The following MYO16 variants were observed in gnomAD, a reference collection of about 807,000 sequenced individuals.
The protein encoded by MYO16 is myosin XVI, also known as unconventional myosin-XVI.
A neutral mutation model predicts 205.3 loss-of-function variants in MYO16; 94 were observed. That is an observed-to-expected ratio of 0.46 (90% CI 0.39 to 0.54). The LOEUF is 0.54. Ranked by LOEUF, MYO16 falls within the 20% of genes least tolerant of loss-of-function variation. The pLI, the probability that MYO16 is intolerant of heterozygous loss-of-function variation, is 0.00. For missense variants in MYO16, 2,315 were observed against 2,387.5 expected (o/e 0.97, Z 0.63); for synonymous variants, 988 against 954.0 (o/e 1.04, Z -0.66).
At chr13:109,115,139 A>G (rs1344956301) in intron 28 of MYO16, among the ~76,000 whole-genome samples, 1 of 149,524 alleles carries the variant, frequency 6.7e-6, no homozygotes, top group Non-Finnish European at 1.5e-5. Context: ...GAAGTGCTCT[A>G]CAGGTTCCCT....
intron 1 of MYO16, among the ~76,000 whole-genome samples, chr13:108,619,085 A>G (rs1879450177): frequency 6.6e-6 from 1 of 152,128 alleles, no homozygotes; most frequent in African/African-American, 2.4e-5. Flanking sequence ...GACACTCTCA[A>G]AATATCCCCC....
chr13:108,640,149 C>T (rs1880438654), intron 1 of MYO16, among the ~76,000 whole-genome samples: 2 of 152,110 alleles, frequency 1.3e-5, no homozygotes, highest in African/African-American at 4.8e-5. Flanking sequence ...ACAGATGGCT[C>T]AGGTCAGAAA....
chr13:108,519,595 T>C, the MYO16 span, among the ~76,000 whole-genome samples: 1 of 150,230 alleles, frequency 6.7e-6, no homozygotes, highest in Non-Finnish European at 1.5e-5. Context: ...AAACACAAGA[T>C]TTGCTTGGCC....
chr13:108,597,633 A>C lies in MYO16; in HGVS notation c.-39+1394A>C, dbSNP rs564513351. Among the ~76,000 whole-genome samples, 5 of 152,244 alleles carry C rather than the reference A, an allele frequency of 3.3e-5. No homozygotes were observed. In the South Asian group the frequency reaches 1.0e-3, roughly 32 times the overall value. ...ACAGTATTTCTCAACTCATTTTATA[A>C]AATGCAATTGGTAGTTCTCCTGCCC... On this transcript the variant is annotated intron_variant, in intron 1 of 24. Coordinates refer to the MYO16 transcript ENST00000251041.
At chr13:108,549,886 G>A in the MYO16 span, among the ~76,000 whole-genome samples, 2 of 152,252 alleles carry the variant, frequency 1.3e-5, no homozygotes, top group African/African-American at 4.8e-5. Context: ...ATGCAAAGCA[G>A]AAGGAGTCAT....
intron 21 of MYO16, among the ~76,000 whole-genome samples, chr13:109,003,131 A>G (rs899468744): frequency 3.3e-5 from 5 of 152,330 alleles, no homozygotes; most frequent in Non-Finnish European, 5.9e-5. Context: ...ACTTTAAACT[A>G]CATATGTTTC....
intron 15 of MYO16, 129 bp from the exon 16 acceptor site, chr13:108,909,874 A>G: frequency 2.0e-6 from 2 of 990,632 alleles, no homozygotes; most frequent in Non-Finnish European, 2.9e-6. Context: ...AATAAAATAA[A>G]ATGTAAATAG....
At chr13:108,595,620 C>T (rs1004369513), upstream of MYO16, among the ~76,000 whole-genome samples, 1 of 152,082 alleles carries the variant, frequency 6.6e-6, no homozygotes, top group Non-Finnish European at 1.5e-5. Context: ...ACAGTCAGCC[C>T]CCTCTCCACC....
the MYO16 span, among the ~76,000 whole-genome samples, chr13:108,549,261 A>T: frequency 6.6e-6 from 1 of 152,188 alleles, no homozygotes. Flanking sequence ...ATCCTACAAG[A>T]GAGAGATTAT....
chr13:108,805,612 T>C (rs546347081), intron 6 of MYO16, among the ~76,000 whole-genome samples: 41 of 152,204 alleles, frequency 2.7e-4, no homozygotes, highest in South Asian at 1.9e-3. Flanking sequence ...ATAAAATACA[T>C]CATGTAGTTG....
intron 21 of MYO16, among the ~76,000 whole-genome samples, chr13:108,997,894 C>G (rs1461018545): frequency 6.6e-6 from 1 of 152,136 alleles, no homozygotes; most frequent in Non-Finnish European, 1.5e-5. Context: ...CAGGCTTTAT[C>G]TAAATTGATT....
intron 27 of MYO16, among the ~76,000 whole-genome samples, chr13:109,062,010 G>A (rs747768084): frequency 2.0e-5 from 3 of 152,058 alleles, no homozygotes; most frequent in Non-Finnish European, 4.4e-5. Context: ...TGTTAGCTAC[G>A]TGAATATTTC....
At chr13:109,000,723 C>G (rs907109543) in intron 21 of MYO16, among the ~76,000 whole-genome samples, 5 of 151,976 alleles carry the variant, frequency 3.3e-5, no homozygotes, top group Non-Finnish European at 7.4e-5. Context: ...GGCATGGCTT[C>G]TATTTAAATT....
chr13:108,580,480 C>A, the MYO16 span, among the ~76,000 whole-genome samples: 2 of 152,162 alleles, frequency 1.3e-5, no homozygotes, highest in African/African-American at 4.8e-5. Flanking sequence ...TTCCTAGTAA[C>A]AACTCTCTCT....
chr13:108,620,834 T>C (rs962874797), intron 1 of MYO16, among the ~76,000 whole-genome samples: 2 of 152,176 alleles, frequency 1.3e-5, no homozygotes, highest in African/African-American at 4.8e-5. Flanking sequence ...TCCTATGATA[T>C]TTATGCATTT....
intron 4 of MYO16, among the ~76,000 whole-genome samples, chr13:108,774,222 A>G (rs753194369): frequency 5.3e-5 from 8 of 152,254 alleles, no homozygotes; most frequent in Non-Finnish European, 1.0e-4. Flanking sequence ...ACATAAACCA[A>G]TAAATTCTTG....
In MYO16 at chr13:109,096,833, G is replaced by A. The variant is rs1888793239; in HGVS notation, c.3336-3952G>A. On this transcript the variant is annotated intron_variant, in intron 27 of 34. Transcript: ENST00000457511. ...TTGTCCGGAGAAACGCAAACAGGCA[G>A]CTCTGAGGGAGGGTAGAGCGTTGCT... is the stretch of plus-strand genomic sequence containing the variant. Among the ~76,000 whole-genome samples the A allele has an allele frequency of 2.6e-5, 4 of 152,326 alleles. No homozygotes were observed. The South Asian group carries it at 8.3e-4, about 32-fold the overall frequency.
At chr13:108,734,702 C>A (rs1478578055) in intron 4 of MYO16, among the ~76,000 whole-genome samples, 1 of 152,266 alleles carries the variant, frequency 6.6e-6, no homozygotes, top group Non-Finnish European at 1.5e-5. Flanking sequence ...CCGCCACCCA[C>A]TGCTTGGCAG....
chr13:108,499,786 T>C, the MYO16 span, among the ~76,000 whole-genome samples: 962 of 152,348 alleles, frequency 6.3e-3, 3 homozygotes, highest in African/African-American at 0.021. Context: ...TATATAATTA[T>C]GTTTCTAAAA....
Sources: allele counts gnomAD v4.1 joint callset (sites outside exome capture counted in the v4.1 genomes callset), GRCh38; gene constraint gnomAD v4.1.1; transcripts MANE v1.5; gene names NCBI Gene and HGNC (gene_info 2026-07-23, HGNC 2026-07-21).